The following RBM19 variants were observed in gnomAD, a reference collection of about 807,000 sequenced individuals.
The protein encoded by RBM19 is probable RNA-binding protein 19.
In RBM19, 94 loss-of-function variants were observed where a neutral mutation model predicts 116.8. That is an observed-to-expected ratio of 0.80 (90% CI 0.68 to 0.95). The LOEUF is 0.95. Among genes scored for constraint, RBM19 ranks in the 40% least tolerant of loss-of-function variants. RBM19 has a pLI of 0.00. For missense variants in RBM19, 1,161 were observed against 1,220.7 expected (o/e 0.95, Z 0.73); for synonymous variants, 475 against 494.1 (o/e 0.96, Z 0.51).
At chr12:113,831,040 C>T (rs952059594) in intron 23 of RBM19, among the ~76,000 whole-genome samples, 5 of 152,130 alleles carry the variant, frequency 3.3e-5, no homozygotes, top group Admixed American at 6.5e-5. Context: ...GCCCAGCCTT[C>T]GTATAAACGT....
At chr12:113,931,160 A>C (rs1358089880) in intron 16 of RBM19, among the ~76,000 whole-genome samples, 1 of 152,198 alleles carries the variant, frequency 6.6e-6, no homozygotes, top group Non-Finnish European at 1.5e-5. Flanking sequence ...ATTGTAAATT[A>C]ATGTGAGTAT....
intron 22 of RBM19, among the ~76,000 whole-genome samples, chr12:113,853,598 C>A (rs978219068): frequency 1.8e-4 from 27 of 152,168 alleles, no homozygotes; most frequent in African/African-American, 6.5e-4. Context: ...CCTTCAGGAC[C>A]AGCCCGGTCT....
At chr12:113,911,590 A>C (rs1303825290) in intron 21 of RBM19, among the ~76,000 whole-genome samples, 2 of 152,148 alleles carry the variant, frequency 1.3e-5, no homozygotes, top group African/African-American at 4.8e-5. Context: ...GGCTGGATTA[A>C]GTGCCTCATT....
intron 23 of RBM19, among the ~76,000 whole-genome samples, chr12:113,841,717 G>A (rs1020950178): frequency 6.6e-6 from 1 of 152,148 alleles, no homozygotes; most frequent in African/African-American, 2.4e-5. Context: ...GAGCCACTGC[G>A]CCTGGCCAGG....
chr12:113,836,263 G>T (rs1247327902), intron 23 of RBM19, among the ~76,000 whole-genome samples: 1 of 152,168 alleles, frequency 6.6e-6, no homozygotes, highest in Non-Finnish European at 1.5e-5. Context: ...AGAGGACAGG[G>T]GAGATGGGGA....
chr12:113,869,875 C>T (rs1017282071), intron 21 of RBM19, among the ~76,000 whole-genome samples: 1 of 152,346 alleles, frequency 6.6e-6, no homozygotes, highest in Non-Finnish European at 1.5e-5. Context: ...CAGGAAGTCA[C>T]CAGCTGTGGT....
intron 22 of RBM19, 111 bp downstream of exon 22, chr12:113,858,680 C>CA: frequency 1.0e-6 from 1 of 991,066 alleles, no homozygotes; most frequent in South Asian, 1.4e-5. Flanking sequence ...AAAAAAAGAA[C>CA]ACCTGCATGG....
At chr12:113,906,607 G>A (rs1882062115) in intron 21 of RBM19, among the ~76,000 whole-genome samples, 1 of 152,096 alleles carries the variant, frequency 6.6e-6, no homozygotes, top group Non-Finnish European at 1.5e-5. Flanking sequence ...CTGCACGCAT[G>A]CTAGCTGGCA....
chr12:113,852,780 C>T (rs1035808523), intron 22 of RBM19, among the ~76,000 whole-genome samples: 1 of 152,216 alleles, frequency 6.6e-6, no homozygotes, highest in African/African-American at 2.4e-5. Flanking sequence ...TCTGAAGTCC[C>T]TTGTCCATGT....
chr12:113,897,033 G>A (rs768265423), intron 21 of RBM19, among the ~76,000 whole-genome samples: 9 of 152,246 alleles, frequency 5.9e-5, no homozygotes, highest in Non-Finnish European at 1.3e-4. Flanking sequence ...GCACCCTGAG[G>A]TGCCTTGGTA....
At chr12:113,938,843 C>T (rs1870299752) in intron 15 of RBM19, among the ~76,000 whole-genome samples, 1 of 152,212 alleles carries the variant, frequency 6.6e-6, no homozygotes, top group African/African-American at 2.4e-5. Context: ...AGACACAGAT[C>T]AGACTCCCTA....
intron 1 of RBM19, among the ~76,000 whole-genome samples, chr12:113,965,068 C>G (rs1213434146): frequency 6.6e-6 from 1 of 151,950 alleles, no homozygotes; most frequent in South Asian, 2.1e-4. Context: ...GTCAGGAGTT[C>G]GAGACCAACT....
rs78057972 is a variant in RBM19, at chr12:113,920,761, C to T, written c.2306-71G>A. 8.3e-4 allele frequency: 1,160 copies of T among 1,395,424 alleles called. 13 individuals carry two copies. The African/African-American group carries it at 0.014, about 17-fold the overall frequency. The allele number at this position is 1,395,424 out of a possible 1,614,324, so 86.4% of individuals were successfully genotyped here. The stretch of plus-strand genomic sequence containing the variant: ...ACAAGGCCAAGTGCAAGGGCTGTGA[C>T]GGGCCCCCAGACCTGCGCTGTATTT... On this transcript the variant is annotated intron_variant, in intron 18 of 23. Transcript: ENST00000261741.
intron 21 of RBM19, among the ~76,000 whole-genome samples, chr12:113,879,810 C>T (rs1747383633): frequency 6.6e-6 from 1 of 152,066 alleles, no homozygotes; most frequent in African/African-American, 2.4e-5. Context: ...GCACCCTCCT[C>T]CACCCCAGCT....
chr12:113,955,519 G>A (rs201250863), intron 6 of RBM19, among the ~76,000 whole-genome samples: 1 of 108,182 alleles, frequency 9.2e-6, no homozygotes, highest in South Asian at 2.9e-4. Context: ...CCTGAAGAAC[G>A]GGGTGTCAGT....
intron 21 of RBM19, among the ~76,000 whole-genome samples, chr12:113,880,597 C>T (rs1593526407): frequency 6.6e-6 from 1 of 152,172 alleles, no homozygotes; most frequent in East Asian, 1.9e-4. Context: ...CCTACTTACT[C>T]AGGGCTGGGG....
At chr12:113,928,777 T>C (rs1456503941) in intron 16 of RBM19, among the ~76,000 whole-genome samples, 1 of 151,906 alleles carries the variant, frequency 6.6e-6, no homozygotes, top group Non-Finnish European at 1.5e-5. Flanking sequence ...AAGAGGGCAG[T>C]GTCATGATCT....
chr12:113,837,018 C>G (rs916404354), intron 23 of RBM19, among the ~76,000 whole-genome samples: 3 of 146,696 alleles, frequency 2.0e-5, no homozygotes, highest in Admixed American at 6.8e-5. Flanking sequence ...CACACACACA[C>G]ACACACACAC....
intron 16 of RBM19, chr12:113,936,753 C>G (rs1870100987): frequency 5.2e-6 from 2 of 384,652 alleles, no homozygotes; most frequent in African/African-American, 4.2e-5. Flanking sequence ...TGCTTTGAAT[C>G]CTTGTTAATA....
Sources: gnomAD v4.1 joint callset for allele counts (sites outside exome capture counted in the v4.1 genomes callset) on GRCh38, gnomAD v4.1.1 for gene constraint, MANE v1.5 for transcripts, NCBI Gene and HGNC (gene_info 2026-07-23, HGNC 2026-07-21) for gene names.